The following ZNF362 variants were observed in gnomAD, a reference collection of about 807,000 sequenced individuals.
ZNF362 encodes the protein rotund homolog.
In ZNF362, 11 loss-of-function variants were observed where a neutral mutation model predicts 42.9. That is an observed-to-expected ratio of 0.26 (90% confidence interval 0.16 to 0.42). The LOEUF (loss-of-function observed/expected upper bound fraction) is 0.42. ZNF362 is among the 20% of genes least tolerant of loss of function. The probability of loss-of-function intolerance (pLI) is 1.00; values close to 1 mark genes in which losing one functional copy is unlikely to be tolerated. For synonymous variants in ZNF362, 255 were observed against 257.3 expected (o/e 0.99, Z 0.09); for missense variants, 362 against 576.2 (o/e 0.63, Z 3.81).
the ZNF362 span, among the ~76,000 whole-genome samples, chr1:33,129,330 G>T: frequency 6.6e-6 from 1 of 152,156 alleles, no homozygotes; most frequent in African/African-American, 2.4e-5. This position sits in a 1 kb window ranked among gnomAD's most constrained non-coding sequence, Gnocchi z 4.1. Flanking sequence ...ACTCTGATTG[G>T]ACAGAGGACC....
At chr1:33,136,874 G>T in the ZNF362 span, among the ~76,000 whole-genome samples, 1 of 151,884 alleles carries the variant, frequency 6.6e-6, no homozygotes, top group South Asian at 2.1e-4. Flanking sequence ...GTGCGTGCTT[G>T]TAGTCCCAGC....
intron 6 of ZNF362, among the ~76,000 whole-genome samples, chr1:33,288,765 A>AAAAAAAAAGAG (rs1646051958): frequency 7.5e-6 from 1 of 133,618 alleles, no homozygotes; most frequent in Non-Finnish European, 1.7e-5. Context: ...AAAAAAAAGA[A>AAAAAAAAAGAG]GCGTGACCAC....
the ZNF362 span, among the ~76,000 whole-genome samples, chr1:33,224,875 CAA>C: frequency 6.6e-6 from 1 of 151,868 alleles, no homozygotes; most frequent in African/African-American, 2.4e-5. Context: ...TTCTGAAAGC[CAA>C]AGACAAAGAG....
At chr1:33,242,910 A>G in the ZNF362 span, among the ~76,000 whole-genome samples, 1 of 151,974 alleles carries the variant, frequency 6.6e-6, no homozygotes, top group Admixed American at 6.6e-5. Context: ...TCATACCAAA[A>G]CCACAAGTCC....
rs1014522166 is a variant in ZNF362, at chr1:33,280,762, T to C, written c.683+305T>C. Among the ~76,000 whole-genome samples, 1 of 152,186 alleles carries C rather than the reference T, an allele frequency of 6.6e-6. No homozygotes were observed. Among genetic ancestry groups the C allele is most frequent in the Non-Finnish European group, 1.5e-5 (1 of 68,034 alleles). On this transcript the variant is annotated intron_variant, in intron 5 of 8. Transcript: ENST00000539719. The surrounding 1 kb of genome is among the most constrained non-coding windows in gnomAD (Gnocchi z 5.6). ...TCCCTTTAAGCAGTGTTCTCAACCC[T>C]GGCCACCTTAGAATCACCTGAAGAG... is the stretch of plus-strand genomic sequence containing the variant.
upstream of ZNF362, among the ~76,000 whole-genome samples, chr1:33,252,031 G>A (rs1186070025): frequency 2.6e-5 from 4 of 152,128 alleles, no homozygotes; most frequent in Non-Finnish European, 4.4e-5. Context: ...CCAGGCAGAA[G>A]CAGTGAAAAA....
At chr1:33,287,491 A>G (rs1464213802) in intron 6 of ZNF362, among the ~76,000 whole-genome samples, 2 of 152,228 alleles carry the variant, frequency 1.3e-5, no homozygotes. Context: ...AAACAAACAA[A>G]CAACAAACAA....
At chr1:33,284,395 T>G (rs1646017668) in intron 6 of ZNF362, among the ~76,000 whole-genome samples, 1 of 152,212 alleles carries the variant, frequency 6.6e-6, no homozygotes, top group African/African-American at 2.4e-5. Flanking sequence ...TATATCCTGT[T>G]AGGAAGGAGG....
At chr1:33,236,550 A>AAAAAAAAAAATATATATATATATATAT in the ZNF362 span, among the ~76,000 whole-genome samples, 8 of 5,972 alleles carry the variant, frequency 1.3e-3, no homozygotes, top group African/African-American at 1.9e-3. Flanking sequence ...AAAAAAAAAA[A>AAAAAAAAAAATATATATATATATATAT]ATATATATAT....
intron 6 of ZNF362, among the ~76,000 whole-genome samples, chr1:33,291,506 C>T (rs1308133109): frequency 1.3e-5 from 2 of 152,182 alleles, no homozygotes; most frequent in Non-Finnish European, 2.9e-5. Flanking sequence ...CGTGATGCTT[C>T]CAGCTTCGTT....
intron 1 of ZNF362, among the ~76,000 whole-genome samples, chr1:33,263,170 A>T (rs1230221220): frequency 6.6e-6 from 1 of 152,230 alleles, no homozygotes; most frequent in Non-Finnish European, 1.5e-5. Context: ...GCCGTTGCGC[A>T]GTGTGTCTCA....
the ZNF362 span, among the ~76,000 whole-genome samples, chr1:33,139,901 C>A: frequency 6.6e-6 from 1 of 152,182 alleles, no homozygotes; most frequent in South Asian, 2.1e-4. Flanking sequence ...CTTTCCTCTG[C>A]TGCTTGTCAG....
Position 33,294,125 on chromosome 1 carries a change from A to G in ZNF362, c.909-812A>G, listed in dbSNP as rs1157079969. On this transcript the variant is annotated intron_variant, in intron 6 of 8. Transcript: ENST00000539719. This position sits in a 1 kb window ranked among gnomAD's most constrained non-coding sequence, Gnocchi z 4.2. ...ACAGTGCCTGGGGCATGGGTACCCA[A>G]TGTAATGAATGTGAATGAATAACGA... is the stretch of plus-strand genomic sequence containing the variant. Among the ~76,000 whole-genome samples the G allele has an allele frequency of 3.3e-5, 5 of 152,348 alleles. No individual in the cohort carries two copies. The highest frequency in any genetic ancestry group is 2.1e-4 in the South Asian group (1 of 4,832).
chr1:33,132,008 G>A, the ZNF362 span, among the ~76,000 whole-genome samples: 32 of 152,186 alleles, frequency 2.1e-4, no homozygotes, highest in Admixed American at 4.6e-4. Flanking sequence ...GAGCAGGCTC[G>A]AGGGGCCTTC....
At chr1:33,211,747 T>C in the ZNF362 span, among the ~76,000 whole-genome samples, 1 of 152,162 alleles carries the variant, frequency 6.6e-6, no homozygotes, top group African/African-American at 2.4e-5. Flanking sequence ...ATCTTTGTGG[T>C]GTTCTCTGCA....
chr1:33,194,532 CAA>C, the ZNF362 span, among the ~76,000 whole-genome samples: 99 of 103,786 alleles, frequency 9.5e-4, no homozygotes, highest in African/African-American at 3.5e-3. Flanking sequence ...GACCCTGTCT[CAA>C]AAAAAAAAAA....
the ZNF362 span, among the ~76,000 whole-genome samples, chr1:33,150,863 G>A: frequency 6.6e-6 from 1 of 152,168 alleles, no homozygotes; most frequent in Non-Finnish European, 1.5e-5. Context: ...AGGTGTGACA[G>A]TGGAGGGGCA....
At chr1:33,140,613 C>T in the ZNF362 span, among the ~76,000 whole-genome samples, 1 of 152,190 alleles carries the variant, frequency 6.6e-6, no homozygotes. This position sits in a 1 kb window ranked among gnomAD's most constrained non-coding sequence, Gnocchi z 4.0. Context: ...AATCAGGGAA[C>T]CCCCTTGGGC....
the ZNF362 span, chr1:33,160,007 A>G: frequency 6.4e-7 from 1 of 1,569,352 alleles, no homozygotes; most frequent in South Asian, 1.1e-5. Context: ...TCTGGGTGAG[A>G]GGAGGAAATC....
Sources: gnomAD v4.1 joint callset for allele counts (sites outside exome capture counted in the v4.1 genomes callset) on GRCh38, gnomAD v4.1.1 for gene constraint, Gnocchi (gnomAD v3.1) non-coding constraint, MANE v1.5 for transcripts, NCBI Gene and HGNC (gene_info 2026-07-23, HGNC 2026-07-21) for gene names.